KIAA0319L: variants seen among roughly 807,000 people sequenced by gnomAD.
KIAA0319L encodes the protein dyslexia-associated protein KIAA0319-like protein.
In KIAA0319L, 55 loss-of-function variants were observed where a neutral mutation model predicts 120.1. That is an observed-to-expected ratio of 0.46 (90% CI 0.37 to 0.57). KIAA0319L has a LOEUF of 0.57. KIAA0319L is among the 20% of genes least tolerant of loss of function. KIAA0319L has a pLI of 0.00. For missense variants in KIAA0319L, 1,049 were observed against 1,255.3 expected (o/e 0.84, Z 2.48); for synonymous variants, 398 against 471.9 (o/e 0.84, Z 2.03).
At chr1:35,487,292 C>G (rs1402713175) in intron 3 of KIAA0319L, among the ~76,000 whole-genome samples, 1 of 151,472 alleles carries the variant, frequency 6.6e-6, no homozygotes, top group Non-Finnish European at 1.5e-5. Flanking sequence ...TGCTCTGTTG[C>G]TCAGGCTGGA....
chr1:35,494,647 A>T (rs184189617), intron 3 of KIAA0319L, among the ~76,000 whole-genome samples: 1 of 142,374 alleles, frequency 7.0e-6, no homozygotes, highest in East Asian at 2.1e-4. Context: ...TAACAAAGGG[A>T]AAAAAAAAAA....
At chr1:35,469,409 T>G (rs1320319368) in intron 6 of KIAA0319L, among the ~76,000 whole-genome samples, 2 of 152,220 alleles carry the variant, frequency 1.3e-5, no homozygotes, top group African/African-American at 4.8e-5. Flanking sequence ...GTGTTTCTCT[T>G]GCTTAAAGCC....
intron 2 of KIAA0319L, among the ~76,000 whole-genome samples, chr1:35,523,014 TAAA>T (rs58518920): frequency 3.2e-4 from 20 of 62,494 alleles, no homozygotes; most frequent in Admixed American, 7.5e-4. Flanking sequence ...AAACTCCACA[TAAA>T]AAAAAAAAAA....
intron 2 of KIAA0319L, among the ~76,000 whole-genome samples, chr1:35,519,115 C>T (rs1645806458): frequency 1.3e-5 from 2 of 152,036 alleles, no homozygotes; most frequent in Non-Finnish European, 2.9e-5. Flanking sequence ...CATCTGAATG[C>T]CCTAAAATTA....
chr1:35,453,823 G>T lies in KIAA0319L; in HGVS notation c.1781-134C>A. 1.2e-6 allele frequency: 1 copy of T among 804,050 alleles called. No homozygotes were observed. The highest frequency in any genetic ancestry group is 1.9e-6 in the Non-Finnish European group (1 of 523,148). The allele number at this position is 804,050 out of a possible 1,614,324, so 49.8% of individuals were successfully genotyped here. ...AGAACTGTCAGATACTGTGGGAGATGTGGTTACCGTCAGGGAGCACACAAT... is the reference window on the plus strand; with the variant it reads ...AGAACTGTCAGATACTGTGGGAGATTTGGTTACCGTCAGGGAGCACACAAT... On this transcript the variant is annotated intron_variant, in intron 11 of 20. Coordinates refer to ENST00000325722, the MANE Select transcript of KIAA0319L (RefSeq NM_024874.5). The surrounding 1 kb of genome is among the most constrained non-coding windows in gnomAD (Gnocchi z 4.1).
In KIAA0319L at chr1:35,507,064, G is replaced by T; in HGVS notation, c.214C>A (p.His72Asn). Reference sequence around the variant, plus strand: ...GGGGTTCCTTCAAGAAGCCAGAGGTGATTTTCTCCCCCAGATCTCAGGCCA... The same window carrying T: ...GGGGTTCCTTCAAGAAGCCAGAGGTTATTTTCTCCCCCAGATCTCAGGCCA... ...GVGLRSGGEN[H>N]LWLLEGTPSL... The change falls in exon 3 of 21, where the codon CAC (histidine) becomes AAC (asparagine). Residue 72 changes from histidine to asparagine, a missense_variant. Coordinates refer to ENST00000325722, the MANE Select transcript of KIAA0319L (RefSeq NM_024874.5). 1 of 1,580,686 alleles carries T rather than the reference G, an allele frequency of 6.3e-7. No individual in the cohort carries two copies.
Position 35,470,136 on chromosome 1 carries a change from G to A in KIAA0319L, c.1113+727C>T, listed in dbSNP as rs562960635. Among the ~76,000 whole-genome samples, 50 of 152,116 alleles carry A rather than the reference G, an allele frequency of 3.3e-4. 1 individual carries two copies. The highest frequency in any genetic ancestry group is 6.0e-4 in the Non-Finnish European group (41 of 67,992). On this transcript the variant is annotated intron_variant, in intron 6 of 20. Coordinates refer to ENST00000325722, the MANE Select transcript of KIAA0319L (RefSeq NM_024874.5). The stretch of plus-strand genomic sequence containing the variant: ...TCCCACCCCACCTCAGCCTCCCAAA[G>A]TGCTTGGATTACAGGCGGGAGCCAC...
At chr1:35,501,832 C>G (rs1295844508) in intron 3 of KIAA0319L, among the ~76,000 whole-genome samples, 1 of 148,562 alleles carries the variant, frequency 6.7e-6, no homozygotes, top group Non-Finnish European at 1.5e-5. Flanking sequence ...GAGCCAAGAT[C>G]GCACCATTGC....
At chr1:35,555,660 G>T (rs926829893) in intron 1 of KIAA0319L, among the ~76,000 whole-genome samples, 7 of 152,218 alleles carry the variant, frequency 4.6e-5, no homozygotes, top group Admixed American at 3.9e-4. Flanking sequence ...AAGTTAGAAA[G>T]TACATCCAGC....
chr1:35,460,181 G>T, intron 9 of KIAA0319L, 124 bp downstream of exon 9: 1 of 782,886 alleles, frequency 1.3e-6, no homozygotes, highest in Non-Finnish European at 2.1e-6. Flanking sequence ...GGAACCAAAA[G>T]CTGTATTATC....
chr1:35,521,612 T>C (rs1310428513), intron 2 of KIAA0319L, among the ~76,000 whole-genome samples: 1 of 150,496 alleles, frequency 6.6e-6, no homozygotes, highest in African/African-American at 2.4e-5. Context: ...CCAGCCTGGG[T>C]GACGGAGAGA....
chr1:35,499,820 C>A (rs939030837), intron 3 of KIAA0319L, among the ~76,000 whole-genome samples: 3 of 147,762 alleles, frequency 2.0e-5, no homozygotes, highest in African/African-American at 2.5e-5. Context: ...CCCAAAACAA[C>A]AACAACAAAA....
intron 2 of KIAA0319L, among the ~76,000 whole-genome samples, chr1:35,526,386 T>TACATATATATATATATATATATATATAC (rs1646137618): frequency 8.5e-6 from 1 of 118,238 alleles, no homozygotes; most frequent in South Asian, 2.5e-4. Flanking sequence ...TATATATACA[T>TACATATATATATATATATATATATATAC]ACATATATAT....
chr1:35,456,165 G>C lies in KIAA0319L; in HGVS notation c.1504C>G (p.Pro502Ala), dbSNP rs368938917. The change falls in exon 10 of 21, where the codon CCC becomes GCC. Residue 502 changes from proline to alanine, a missense_variant. Physicochemically the swap from Pro to Ala is conservative, Grantham distance 27. Transcript: ENST00000325722. ...NLTVNKAVDY[P>A]PVANAGPNQV... ...TTGGGGCCTGCGTTGGCCACAGGGG[G>C]GTAATCCACAGCTTTGTTCACTGTC... is the stretch of plus-strand genomic sequence containing the variant. 31 of 1,613,440 alleles carry C rather than the reference G, an allele frequency of 1.9e-5. No individual in the cohort carries two copies. The highest frequency in any genetic ancestry group is 2.5e-5 in the Non-Finnish European group (29 of 1,179,714).
chr1:35,450,124 G>T, intron 14 of KIAA0319L, 119 bp from the exon 15 acceptor site: 2 of 1,269,338 alleles, frequency 1.6e-6, no homozygotes, highest in South Asian at 1.3e-5. Flanking sequence ...ACCTTGGGCA[G>T]TTCCTGATAC....
At chr1:35,554,696 C>T in intron 1 of KIAA0319L, 177 bp from the exon 2 acceptor site, 1 of 426,682 alleles carries the variant, frequency 2.3e-6, no homozygotes. Context: ...CTATAATTAT[C>T]AGAATAACAA....
At chr1:35,454,250 G>T in intron 11 of KIAA0319L, 112 bp downstream of exon 11, 3 of 1,078,304 alleles carry the variant, frequency 2.8e-6, no homozygotes, top group Non-Finnish European at 4.1e-6. Flanking sequence ...AGGCTCTATG[G>T]ATCGGTGCCT....
chr1:35,453,814 G>T lies in KIAA0319L; in HGVS notation c.1781-125C>A. The T allele has an allele frequency of 1.2e-6, 1 of 868,678 alleles. No individual in the cohort carries two copies. Among genetic ancestry groups the T allele is most frequent in the Non-Finnish European group, 1.7e-6 (1 of 580,404 alleles). The allele number at this position is 868,678 out of a possible 1,614,324, so 53.8% of individuals were successfully genotyped here. ...TCAGGCCACAGAACTGTCAGATACT[G>T]TGGGAGATGTGGTTACCGTCAGGGA... On this transcript the variant is annotated intron_variant, in intron 11 of 20. Transcript: ENST00000325722. This position sits in a 1 kb window ranked among gnomAD's most constrained non-coding sequence, Gnocchi z 4.1.
intron 6 of KIAA0319L, among the ~76,000 whole-genome samples, chr1:35,469,752 T>A (rs1643497092): frequency 6.6e-6 from 1 of 152,004 alleles, no homozygotes; most frequent in African/African-American, 2.4e-5. Context: ...GACTCTATTG[T>A]TCTTGAACAT....
Sources: gnomAD v4.1 joint callset for allele counts (sites outside exome capture counted in the v4.1 genomes callset) on GRCh38, gnomAD v4.1.1 for gene constraint, Gnocchi (gnomAD v3.1) non-coding constraint, MANE v1.5 for transcripts, NCBI Gene and HGNC (gene_info 2026-07-23, HGNC 2026-07-21) for gene names.